Variants in MAML2 observed in about 807,000 individuals in gnomAD.
MAML2 encodes mastermind like transcriptional coactivator 2.
In MAML2, 22 loss-of-function variants were observed where a neutral mutation model predicts 96.1. The observed-to-expected ratio is 0.23, with a 90% confidence interval of 0.16 to 0.33. The LOEUF is 0.33. MAML2 is among the 10% of genes least tolerant of loss of function. The pLI, the probability that MAML2 is intolerant of heterozygous loss-of-function variation, is 1.00. For synonymous variants in MAML2, 561 were observed against 521.3 expected (o/e 1.08, Z -1.04); for missense variants, 1,367 against 1,392.4 (o/e 0.98, Z 0.29).
chr11:96,105,726 A>C (rs1860011031), intron 1 of MAML2, among the ~76,000 whole-genome samples: 1 of 152,174 alleles, frequency 6.6e-6, no homozygotes, highest in Non-Finnish European at 1.5e-5. Context: ...AGTAACTATG[A>C]ACCATTTAGA....
intron 2 of MAML2, among the ~76,000 whole-genome samples, chr11:96,056,406 AG>A (rs1422902249): frequency 6.6e-6 from 1 of 151,516 alleles, no homozygotes; most frequent in Non-Finnish European, 1.5e-5. Context: ...AAAAAAAAAA[AG>A]CCCAGGTTGG....
chr11:96,067,037 G>A (rs187806327), intron 2 of MAML2, among the ~76,000 whole-genome samples: 1 of 152,302 alleles, frequency 6.6e-6, no homozygotes, highest in Admixed American at 6.5e-5. Flanking sequence ...AGATCTTGTA[G>A]GGCCTGTGAG....
intron 1 of MAML2, among the ~76,000 whole-genome samples, chr11:96,216,915 G>A (rs1369113124): frequency 1.3e-5 from 2 of 152,166 alleles, no homozygotes; most frequent in Admixed American, 1.3e-4. Flanking sequence ...ACAAAGGGCA[G>A]GGGTAATTCC....
At position 96,166,171 on chromosome 11, in the gene MAML2, T is replaced by TCACA. The variant is rs776905938; in HGVS notation, c.514-72655_514-72654insTGTG. Among the ~76,000 whole-genome samples the TCACA allele has an allele frequency of 7.6e-5, 9 of 117,798 alleles. No homozygotes were observed. In the East Asian group the frequency reaches 8.3e-4, roughly 11 times the overall value. The allele number at this position is 117,798 out of a possible 152,430, so 77.3% of individuals were successfully genotyped here. A position where few individuals can be genotyped will look rare whatever the true frequency, so the allele number is the denominator to read the frequency against. On this transcript the variant is annotated intron_variant, in intron 1 of 4. Coordinates refer to ENST00000524717, the MANE Select transcript of MAML2 (RefSeq NM_032427.4). ...CTCTGTCTGTCTCTCTCTCTCTCTC[T>TCACA]CTCTCTCACACACACACACACACAC... is the stretch of plus-strand genomic sequence containing the variant.
At chr11:96,062,407 T>C (rs1383196609) in intron 2 of MAML2, among the ~76,000 whole-genome samples, 1 of 152,216 alleles carries the variant, frequency 6.6e-6, no homozygotes, top group African/African-American at 2.4e-5. Flanking sequence ...GGAAGTGCTC[T>C]GCAAAGCTAT....
At chr11:96,068,786 C>T (rs796482374) in intron 2 of MAML2, among the ~76,000 whole-genome samples, 4 of 149,192 alleles carry the variant, frequency 2.7e-5, no homozygotes, top group African/African-American at 9.9e-5. Context: ...GCTGAGATGG[C>T]GCCATTGCAC....
At chr11:96,175,617 T>C (rs1591055527) in intron 1 of MAML2, among the ~76,000 whole-genome samples, 1 of 152,244 alleles carries the variant, frequency 6.6e-6, no homozygotes, top group Admixed American at 6.5e-5. Context: ...AGATGGAGTG[T>C]CACCCTGTCA....
chr11:96,242,477 A>G (rs1040154425), intron 1 of MAML2, among the ~76,000 whole-genome samples: 1 of 152,222 alleles, frequency 6.6e-6, no homozygotes, highest in African/African-American at 2.4e-5. Context: ...ATTCAGTAAG[A>G]GAAACAGAGA....
Position 96,091,995 on chromosome 11 carries a change from A to G in MAML2, c.2036T>C (p.Leu679Ser). The G allele has an allele frequency of 6.3e-7, 1 of 1,590,856 alleles. No individual in the cohort carries two copies. Among genetic ancestry groups the G allele is most frequent in the East Asian group, 2.3e-5 (1 of 44,188 alleles). The change falls in exon 2 of 5, where the codon TTG becomes TCG. Residue 679 changes from leucine (L) to serine (S), a missense_variant. Coordinates refer to ENST00000524717, the MANE Select transcript of MAML2 (RefSeq NM_032427.4). ...QPAQSLPSQP[L>S]LRSPLPLQQK... ...CTGAAGTGGCAAAGGTGACCTTAGCAAAGGCTGGCTTGGTAGAGATTGGGC... is the reference window on the plus strand; with the variant it reads ...CTGAAGTGGCAAAGGTGACCTTAGCGAAGGCTGGCTTGGTAGAGATTGGGC...
Position 96,184,661 on chromosome 11 carries a change from C to T in MAML2, c.514-91144G>A, listed in dbSNP as rs994491029. Among the ~76,000 whole-genome samples, 6 of 147,306 alleles carry T rather than the reference C, an allele frequency of 4.1e-5. No homozygotes were observed. The East Asian group carries it at 1.2e-3, about 30-fold the overall frequency. On this transcript the variant is annotated intron_variant, in intron 1 of 4. Coordinates refer to ENST00000524717, the MANE Select transcript of MAML2 (RefSeq NM_032427.4). Reference sequence around the variant, plus strand: ...CTGGAGTGCGGTGGCGCTGTCTGGGCTCACTGCTAGCTCCGCCTCCCAGGT... The same window carrying T: ...CTGGAGTGCGGTGGCGCTGTCTGGGTTCACTGCTAGCTCCGCCTCCCAGGT...
chr11:96,157,290 C>A (rs1206032475), intron 1 of MAML2, among the ~76,000 whole-genome samples: 1 of 152,206 alleles, frequency 6.6e-6, no homozygotes, highest in Non-Finnish European at 1.5e-5. Flanking sequence ...GTTCTCATGT[C>A]CAAAGTTAAG....
At chr11:96,105,378 T>C (rs1402611687) in intron 1 of MAML2, among the ~76,000 whole-genome samples, 1 of 152,222 alleles carries the variant, frequency 6.6e-6, no homozygotes, top group Non-Finnish European at 1.5e-5. Context: ...ATTCTGAAAG[T>C]AAAACTTCAA....
intron 1 of MAML2, among the ~76,000 whole-genome samples, chr11:96,106,032 T>C (rs754502742): frequency 6.6e-6 from 1 of 152,232 alleles, no homozygotes; most frequent in Non-Finnish European, 1.5e-5. Context: ...TTGCCACTTA[T>C]GGAAAATGTT....
At chr11:96,246,065 T>C (rs947143103) in intron 1 of MAML2, among the ~76,000 whole-genome samples, 1 of 152,082 alleles carries the variant, frequency 6.6e-6, no homozygotes, top group African/African-American at 2.4e-5. Context: ...CTAGGTACTA[T>C]GCTAGGCACT....
In MAML2 at chr11:95,979,806, T is replaced by G; in HGVS notation, c.2613A>C (p.Gly871=). The G allele has an allele frequency of 6.2e-7, 1 of 1,613,988 alleles. No individual in the cohort carries two copies. The highest frequency in any genetic ancestry group is 8.5e-7 in the Non-Finnish European group (1 of 1,179,880). The change falls in exon 5 of 5, where the codon GGA becomes GGC. Residue 871 remains glycine (G), a synonymous_variant. Transcript: ENST00000524717. ...STAVQNMGMY[G]NLPCNQPNTY... is the part of the protein sequence containing the mutation. ...TGTTAGGTTGATTACAAGGCAGATT[T>G]CCATACATCCCCATATTCTGAACTG...
chr11:96,021,355 T>C (rs1329074172), intron 2 of MAML2, among the ~76,000 whole-genome samples: 1 of 152,230 alleles, frequency 6.6e-6, no homozygotes, highest in Non-Finnish European at 1.5e-5. Context: ...CAGGTTTCTG[T>C]AACTGGTGCT....
chr11:96,164,665 C>G (rs1178141564), intron 1 of MAML2, among the ~76,000 whole-genome samples: 3 of 152,076 alleles, frequency 2.0e-5, no homozygotes, highest in South Asian at 2.1e-4. Context: ...GAACACAACA[C>G]AGAAAAAAGA....
intron 1 of MAML2, among the ~76,000 whole-genome samples, chr11:96,340,843 G>A (rs1863982571): frequency 6.6e-6 from 1 of 152,168 alleles, no homozygotes; most frequent in African/African-American, 2.4e-5. Flanking sequence ...TTTTGACTGA[G>A]GGGACATTCG....
rs563539370 is a variant in MAML2, at chr11:96,066,504, C to A, written c.2139+25388G>T. ...CAACACACACTTGGCCTTGAGCTAC[C>A]TATATTTAGACACTTACTCTATATT... On this transcript the variant is annotated intron_variant, in intron 2 of 4. Coordinates refer to ENST00000524717, the MANE Select transcript of MAML2 (RefSeq NM_032427.4). Among the ~76,000 whole-genome samples, 4 of 152,266 alleles carry A rather than the reference C, an allele frequency of 2.6e-5. No individual in the cohort carries two copies. The South Asian group carries it at 8.3e-4, about 32-fold the overall frequency.
Sources: gnomAD v4.1 joint callset for allele counts (sites outside exome capture counted in the v4.1 genomes callset) on GRCh38, gnomAD v4.1.1 for gene constraint, MANE v1.5 for transcripts, NCBI Gene and HGNC (gene_info 2026-07-23, HGNC 2026-07-21) for gene names.